Variants in SH3RF2 observed in about 807,000 individuals in gnomAD.
The protein encoded by SH3RF2 is SH3 domain containing ring finger 2.
A neutral mutation model predicts 59.0 loss-of-function variants in SH3RF2; 43 were observed. The observed-to-expected ratio is 0.73, with a 90% CI of 0.57 to 0.94. The LOEUF is 0.94. Among genes scored for constraint, SH3RF2 ranks in the 40% least tolerant of loss-of-function variants. The pLI, the probability that SH3RF2 is intolerant of heterozygous loss-of-function variation, is 0.00. For synonymous variants in SH3RF2, 391 were observed against 391.5 expected (o/e 1.00, Z 0.01); for missense variants, 930 against 940.1 (o/e 0.99, Z 0.14).
chr5:146,000,614 T>C (rs895761161), intron 3 of SH3RF2, among the ~76,000 whole-genome samples: 1 of 152,218 alleles, frequency 6.6e-6, no homozygotes, highest in African/African-American at 2.4e-5. Flanking sequence ...TTATTGTAAT[T>C]ACAAAAGTAT....
chr5:145,999,866 G>A (rs994109370), intron 2 of SH3RF2, among the ~76,000 whole-genome samples, 192 bp from the exon 3 acceptor site: 6 of 152,188 alleles, frequency 3.9e-5, no homozygotes, highest in African/African-American at 1.4e-4. Flanking sequence ...GACACAAAGT[G>A]AGCACATGGT....
chr5:146,067,079 C>T (rs1017048479), downstream of SH3RF2, among the ~76,000 whole-genome samples: 1 of 152,088 alleles, frequency 6.6e-6, no homozygotes, highest in Non-Finnish European at 1.5e-5. Context: ...TGTCTCCTTC[C>T]CTGTGTGTGT....
At chr5:146,014,123 C>T in intron 5 of SH3RF2, 62 bp downstream of exon 5, 1 of 1,556,944 alleles carries the variant, frequency 6.4e-7, no homozygotes, top group Non-Finnish European at 8.8e-7. Flanking sequence ...CATACCATGT[C>T]ACAACCAATA....
intron 2 of SH3RF2, among the ~76,000 whole-genome samples, chr5:145,944,773 T>G (rs13189075): frequency 6.6e-6 from 1 of 152,226 alleles, no homozygotes; most frequent in Non-Finnish European, 1.5e-5. Flanking sequence ...CCTTTTCTTG[T>G]ATTAGCCTCT....
At chr5:146,078,838 A>G (rs1003970697) in exon 10 of SH3RF2, 2 of 152,198 alleles carry the variant, frequency 1.3e-5, no homozygotes, top group African/African-American at 4.8e-5. Flanking sequence ...AGGACATCCA[A>G]TGCCTTCGAG....
intron 7 of SH3RF2, among the ~76,000 whole-genome samples, chr5:146,050,971 A>T (rs1056742191): frequency 6.6e-6 from 1 of 152,356 alleles, no homozygotes; most frequent in African/African-American, 2.4e-5. Context: ...GCAGTGGCTC[A>T]TGCCTGTAAT....
downstream of SH3RF2, among the ~76,000 whole-genome samples, chr5:146,064,768 AAG>A (rs1561773629): frequency 0.12 from 5,181 of 42,458 alleles, 809 homozygotes; most frequent in Non-Finnish European, 0.17. Flanking sequence ...GGAAGGAAGG[AAG>A]GAAGGAAAGG....
At chr5:146,075,959 T>C (rs992835105) in intron 9 of SH3RF2, among the ~76,000 whole-genome samples, 1 of 152,070 alleles carries the variant, frequency 6.6e-6, no homozygotes, top group African/African-American at 2.4e-5. Flanking sequence ...ACAGTGCTAA[T>C]AAGGGCTGCT....
chr5:145,994,395 T>G (rs1191188513), intron 2 of SH3RF2, among the ~76,000 whole-genome samples: 1 of 152,190 alleles, frequency 6.6e-6, no homozygotes, highest in Non-Finnish European at 1.5e-5. Context: ...CCACTCTACT[T>G]GTACCAATTT....
At chr5:146,057,053 C>A (rs1372911862) in intron 8 of SH3RF2, among the ~76,000 whole-genome samples, 1 of 152,124 alleles carries the variant, frequency 6.6e-6, no homozygotes, top group Non-Finnish European at 1.5e-5. Context: ...CAAGCCAAGC[C>A]CAGAAAATAT....
intron 9 of SH3RF2, among the ~76,000 whole-genome samples, chr5:146,077,694 T>A (rs796127741): frequency 5.9e-5 from 9 of 152,360 alleles, no homozygotes; most frequent in African/African-American, 2.2e-4. Flanking sequence ...TATTTTTTAA[T>A]TGTCCTGTTT....
At chr5:146,027,004 C>T (rs555894948) in intron 5 of SH3RF2, among the ~76,000 whole-genome samples, 371 of 152,288 alleles carry the variant, frequency 2.4e-3, no homozygotes, top group African/African-American at 8.6e-3. Flanking sequence ...ATCTCCCATC[C>T]CCACTGCCCC....
chr5:145,968,946 T>C (rs1758962957), intron 2 of SH3RF2, among the ~76,000 whole-genome samples: 2 of 152,256 alleles, frequency 1.3e-5, no homozygotes, highest in Non-Finnish European at 2.9e-5. Context: ...AGTGTCTAGA[T>C]CTCTGTATAG....
intron 5 of SH3RF2, among the ~76,000 whole-genome samples, chr5:146,046,309 G>C (rs531988712): frequency 6.6e-6 from 1 of 152,212 alleles, no homozygotes; most frequent in Admixed American, 6.5e-5. Flanking sequence ...ATTGCCATGG[G>C]CCTTGAGCAA....
At chr5:146,033,764 C>G (rs956838231) in intron 5 of SH3RF2, among the ~76,000 whole-genome samples, 5 of 152,162 alleles carry the variant, frequency 3.3e-5, no homozygotes, top group African/African-American at 7.2e-5. Flanking sequence ...GCCACTGCAC[C>G]TGGCCATGCC....
downstream of SH3RF2, among the ~76,000 whole-genome samples, chr5:146,063,956 A>G (rs935923498): frequency 1.3e-5 from 2 of 152,210 alleles, no homozygotes; most frequent in African/African-American, 4.8e-5. Flanking sequence ...TATTGTTTGC[A>G]TTGCAATATT....
intron 5 of SH3RF2, among the ~76,000 whole-genome samples, chr5:146,032,487 T>C (rs1427910759): frequency 6.6e-6 from 1 of 152,166 alleles, no homozygotes; most frequent in African/African-American, 2.4e-5. Context: ...AAGATTCATA[T>C]AGGTAATATG....
At chr5:146,026,618 T>G (rs2906823) in intron 5 of SH3RF2, among the ~76,000 whole-genome samples, 146,351 of 152,266 alleles carry the variant, frequency 0.96, 70,614 homozygotes, top group East Asian at 1. Flanking sequence ...TTTCTTTCTG[T>G]CTGGTGCAAA....
intron 5 of SH3RF2, among the ~76,000 whole-genome samples, chr5:146,023,742 A>G (rs2149999342): frequency 6.6e-6 from 1 of 152,318 alleles, no homozygotes; most frequent in Non-Finnish European, 1.5e-5. Context: ...CCTCTTAGCC[A>G]TCACCTCCCA....
Sources: gnomAD v4.1 joint callset for allele counts (sites outside exome capture counted in the v4.1 genomes callset) on GRCh38, gnomAD v4.1.1 for gene constraint, MANE v1.5 for transcripts, NCBI Gene and HGNC (gene_info 2026-07-23, HGNC 2026-07-21) for gene names.